Variants in HCN1 observed in about 807,000 individuals in gnomAD.
HCN1 encodes the protein hyperpolarization activated cyclic nucleotide gated potassium channel 1.
Under a neutral mutation model 78.9 loss-of-function variants are expected in HCN1, and 13 were observed. The ratio of observed to expected loss-of-function variants is 0.16; its 90% CI spans 0.11 to 0.26. The LOEUF (loss-of-function observed/expected upper bound fraction) is 0.26, where lower values mean the gene tolerates loss of function less well. HCN1 is among the 10% of genes least tolerant of loss of function. The pLI, the probability that HCN1 is intolerant of heterozygous loss-of-function variation, is 1.00. For missense variants in HCN1, 810 were observed against 1,154.3 expected, an observed-to-expected ratio of 0.70 and a Z score of 4.32; for synonymous variants, 552 against 455.5, an observed-to-expected ratio of 1.21 and a Z score of -2.70.
intron 2 of HCN1, among the ~76,000 whole-genome samples, chr5:45,503,358 A>C (rs1288375126): frequency 6.6e-6 from 1 of 152,178 alleles, no homozygotes; most frequent in Non-Finnish European, 1.5e-5. Flanking sequence ...GCAAATGAGT[A>C]GGTATCTCTA....
chr5:45,527,611 CTCTT>C (rs1028944677), intron 2 of HCN1, among the ~76,000 whole-genome samples: 21 of 151,612 alleles, frequency 1.4e-4, no homozygotes, highest in South Asian at 6.3e-4. Context: ...TCTTTTCTCT[CTCTT>C]TCTCTCTCTC....
At chr5:45,490,281 T>G (rs188847211) in intron 2 of HCN1, among the ~76,000 whole-genome samples, 2 of 152,150 alleles carry the variant, frequency 1.3e-5, no homozygotes, top group African/African-American at 4.8e-5. Context: ...ATTGGATTGT[T>G]TTCCTGAAAG....
At chr5:45,333,726 C>A (rs1383423340) in intron 5 of HCN1, among the ~76,000 whole-genome samples, 3 of 151,752 alleles carry the variant, frequency 2.0e-5, no homozygotes, top group Non-Finnish European at 4.4e-5. Context: ...TTTCCAGCAC[C>A]ATTTATTGAA....
At chr5:45,549,433 T>G (rs1296792412) in intron 2 of HCN1, among the ~76,000 whole-genome samples, 1 of 152,148 alleles carries the variant, frequency 6.6e-6, no homozygotes, top group Non-Finnish European at 1.5e-5. Flanking sequence ...CTGGGAAAAC[T>G]GGCTAGCCAT....
chr5:45,482,462 G>A (rs945561725), intron 2 of HCN1, among the ~76,000 whole-genome samples: 4 of 152,074 alleles, frequency 2.6e-5, no homozygotes, highest in Non-Finnish European at 5.9e-5. Context: ...AACAAAAAAT[G>A]AAAGAAAGAA....
chr5:45,653,684 T>C (rs1561233263), intron 1 of HCN1, among the ~76,000 whole-genome samples: 2 of 151,984 alleles, frequency 1.3e-5, no homozygotes. Flanking sequence ...CAATTCTAGT[T>C]AAAAATAAAT....
intron 2 of HCN1, among the ~76,000 whole-genome samples, chr5:45,486,972 C>T (rs1180326652): frequency 6.6e-6 from 1 of 152,066 alleles, no homozygotes; most frequent in Non-Finnish European, 1.5e-5. Flanking sequence ...GTCTCTACTG[C>T]CTAATTTTCA....
chr5:45,307,380 C>T (rs1337411222), intron 5 of HCN1, among the ~76,000 whole-genome samples: 1 of 151,846 alleles, frequency 6.6e-6, no homozygotes, highest in Non-Finnish European at 1.5e-5. Context: ...TCAAAGAATA[C>T]AATAAGGAAA....
chr5:45,592,865 CTTA>C (rs1561213111), intron 2 of HCN1, among the ~76,000 whole-genome samples: 1 of 152,078 alleles, frequency 6.6e-6, no homozygotes, highest in East Asian at 1.9e-4. Flanking sequence ...GAAAAGTTAT[CTTA>C]TTGTTTGCCT....
At chr5:45,609,786 G>C (rs1344019487) in intron 2 of HCN1, among the ~76,000 whole-genome samples, 1 of 152,146 alleles carries the variant, frequency 6.6e-6, no homozygotes, top group Non-Finnish European at 1.5e-5. Flanking sequence ...AGTTATCACA[G>C]TGTTATAACA....
intron 3 of HCN1, among the ~76,000 whole-genome samples, chr5:45,420,581 A>G (rs574521091): frequency 6.6e-6 from 1 of 152,278 alleles, no homozygotes; most frequent in South Asian, 2.1e-4. Context: ...TGGAAGTGGC[A>G]TGCCAGCCTT....
chr5:45,427,582 A>G (rs1386060490), intron 3 of HCN1, among the ~76,000 whole-genome samples: 1 of 152,112 alleles, frequency 6.6e-6, no homozygotes, highest in Non-Finnish European at 1.5e-5. Context: ...GTTAGATGTG[A>G]CCAAAATCTA....
rs181073002 is a variant in HCN1 at position 45,608,293 on chromosome 5, T to C, written c.849+36892A>G. 1.2e-3 allele frequency among the ~76,000 whole-genome samples: 182 copies of C among 151,998 alleles called. 1 individual carries two copies. The highest frequency in any genetic ancestry group is 4.2e-3 in the African/African-American group (176 of 41,512). On this transcript the variant is annotated intron_variant, in intron 2 of 7. Transcript: ENST00000303230. ...TCAATATTGTAAAGACATCAATTTT[T>C]CCCTAATGTATCAATAAATTCATTA... is the stretch of plus-strand genomic sequence containing the variant.
chr5:45,585,298 T>C (rs200890231), intron 2 of HCN1, among the ~76,000 whole-genome samples: 1 of 152,184 alleles, frequency 6.6e-6, no homozygotes, highest in East Asian at 1.9e-4. Context: ...TCACTGATAC[T>C]CTTTCTTCCA....
Position 45,569,455 on chromosome 5 carries a change from AGTTT to A in HCN1, c.849+75726_849+75729del, listed in dbSNP as rs1165435182. Among the ~76,000 whole-genome samples the A allele has an allele frequency of 1.8e-4, 28 of 152,274 alleles. No homozygotes were observed. In the South Asian group the frequency reaches 3.9e-3, roughly 21 times the overall value. ...AATAAGACAGTTACATATGGCTGAA[AGTTT>A]GTTTGATATTTGAAACCTCAAGACT... On this transcript the variant is annotated intron_variant, in intron 2 of 7. Transcript: ENST00000303230.
intron 4 of HCN1, among the ~76,000 whole-genome samples, chr5:45,364,116 T>C (rs1383743438): frequency 6.6e-6 from 1 of 152,114 alleles, no homozygotes; most frequent in Non-Finnish European, 1.5e-5. Flanking sequence ...CATATGGTTC[T>C]GGCTTTCGTG....
chr5:45,493,562 T>C (rs1314261148), intron 2 of HCN1, among the ~76,000 whole-genome samples: 1 of 152,024 alleles, frequency 6.6e-6, no homozygotes, highest in Non-Finnish European at 1.5e-5. Flanking sequence ...TACCAATGTA[T>C]TTCAATTGTG....
chr5:45,592,052 T>A (rs2111945454), intron 2 of HCN1, among the ~76,000 whole-genome samples: 1 of 152,304 alleles, frequency 6.6e-6, no homozygotes. Context: ...TTGAAAAGAT[T>A]ATTTTTTTCT....
At chr5:45,384,722 G>C (rs1747879766) in intron 4 of HCN1, among the ~76,000 whole-genome samples, 1 of 152,134 alleles carries the variant, frequency 6.6e-6, no homozygotes, top group African/African-American at 2.4e-5. Flanking sequence ...GAAGAAAAAT[G>C]CAAAGGCTGA....
Sources: allele counts gnomAD v4.1 joint callset (sites outside exome capture counted in the v4.1 genomes callset), GRCh38; gene constraint gnomAD v4.1.1; transcripts MANE v1.5; gene names NCBI Gene and HGNC (gene_info 2026-07-23, HGNC 2026-07-21).